Variants in SULF1 observed in about 807,000 individuals in gnomAD.
SULF1 encodes the protein sulfatase 1, also known as extracellular sulfatase Sulf-1.
SULF1 carries 46 observed loss-of-function variants against 110.5 expected under a neutral mutation model. That is an observed-to-expected ratio of 0.42 (90% CI 0.33 to 0.53). The LOEUF (loss-of-function observed/expected upper bound fraction) is 0.53. SULF1 is among the 20% of genes least tolerant of loss of function. The probability of loss-of-function intolerance (pLI) is 0.12; values close to 1 mark genes in which losing one functional copy is unlikely to be tolerated. For synonymous variants in SULF1, 371 were observed against 387.1 expected (o/e 0.96, Z 0.49); for missense variants, 941 against 1,094.2 (o/e 0.86, Z 1.98).
intron 3 of SULF1, among the ~76,000 whole-genome samples, chr8:69,536,658 G>A (rs1176404820): frequency 6.6e-6 from 1 of 152,170 alleles, no homozygotes; most frequent in African/African-American, 2.4e-5. Context: ...TAAGGATGGA[G>A]CCCCGAAGCA....
intron 6 of SULF1, among the ~76,000 whole-genome samples, chr8:69,585,125 A>G (rs995903092): frequency 1.3e-5 from 2 of 152,202 alleles, no homozygotes; most frequent in Non-Finnish European, 2.9e-5. Flanking sequence ...ACTTGCCTAC[A>G]TATGTATATG....
Position 69,604,921 on chromosome 8 carries a change from C to A in SULF1, c.1366C>A (p.Gln456Lys). 1 of 1,614,160 alleles carries A rather than the reference C, an allele frequency of 6.2e-7. No homozygotes were observed. Among genetic ancestry groups the A allele is most frequent in the South Asian group, 1.1e-5 (1 of 91,084 alleles). ...QQARYQTACEQPGQKWQCIED... is the reference protein window; with the variant it reads ...QQARYQTACEKPGQKWQCIED... ...GGCCAGGTACCAGACAGCCTGTGAA[C>A]AACCGGGGCAGGTGAGTGACGCAGG... Residue 456 changes from glutamine (Q) to lysine (K), a missense_variant, in exon 13 of 23, where the codon CAA (glutamine) becomes AAA (lysine). Physicochemically the swap from Gln to Lys is moderately conservative, Grantham distance 53. Coordinates refer to ENST00000402687, the MANE Select transcript of SULF1 (RefSeq NM_001128205.2).
intron 7 of SULF1, 121 bp from the exon 8 acceptor site, chr8:69,588,851 T>G (rs1222644842): frequency 1.1e-6 from 1 of 902,718 alleles, no homozygotes; most frequent in Non-Finnish European, 1.7e-6. Context: ...CAGCCTTCCT[T>G]CCTGCTGTAG....
intron 19 of SULF1, among the ~76,000 whole-genome samples, chr8:69,631,340 G>A (rs1228110280): frequency 6.6e-6 from 1 of 151,762 alleles, no homozygotes; most frequent in African/African-American, 2.4e-5. Flanking sequence ...TTCTTACCTC[G>A]GCCACTGCCA....
chr8:69,604,189 G>A (rs1267965541), intron 12 of SULF1, among the ~76,000 whole-genome samples: 1 of 152,152 alleles, frequency 6.6e-6, no homozygotes, highest in African/African-American at 2.4e-5. Flanking sequence ...CATAAGCTTG[G>A]ACCAAAGCCT....
chr8:69,611,919 A>G (rs1808690061), intron 13 of SULF1, among the ~76,000 whole-genome samples: 1 of 152,084 alleles, frequency 6.6e-6, no homozygotes, highest in Non-Finnish European at 1.5e-5. Flanking sequence ...TTCTTTAGTT[A>G]GATTTCTGAG....
chr8:69,642,243 C>T (rs1474123939), intron 22 of SULF1: 1 of 986,686 alleles, frequency 1.0e-6, no homozygotes, highest in East Asian at 1.1e-4. Context: ...GTTCCTGGTA[C>T]CCTGTTCGGC....
chr8:69,605,872 C>G (rs1294646631), intron 13 of SULF1, among the ~76,000 whole-genome samples: 1 of 152,194 alleles, frequency 6.6e-6, no homozygotes, highest in Non-Finnish European at 1.5e-5. Flanking sequence ...ATTGGCATCT[C>G]CATTTTACAA....
At chr8:69,474,359 GT>G (rs1176540793) in intron 1 of SULF1, among the ~76,000 whole-genome samples, 1 of 152,096 alleles carries the variant, frequency 6.6e-6, no homozygotes, top group Non-Finnish European at 1.5e-5. Context: ...TATAACATGT[GT>G]TCTGAATAGA....
intron 5 of SULF1, 73 bp downstream of exon 5, chr8:69,564,220 G>A (rs746134976): frequency 6.4e-7 from 1 of 1,551,512 alleles, no homozygotes; most frequent in Non-Finnish European, 8.9e-7. Flanking sequence ...ATTATCAGGA[G>A]ACATTCTGAG....
At chr8:69,516,951 C>G (rs17644653) in intron 3 of SULF1, among the ~76,000 whole-genome samples, 43,346 of 152,042 alleles carry the variant, frequency 0.29, 6,677 homozygotes, top group Non-Finnish European at 0.35. Context: ...TCTACAATAC[C>G]AAAAACATCT....
chr8:69,590,501 A>G (rs770648329), intron 8 of SULF1, among the ~76,000 whole-genome samples: 1 of 152,086 alleles, frequency 6.6e-6, no homozygotes, highest in Non-Finnish European at 1.5e-5. Context: ...AATGTAACTG[A>G]TTGACTTATG....
At chr8:69,555,572 A>G (rs1360578834) in intron 3 of SULF1, among the ~76,000 whole-genome samples, 5 of 151,852 alleles carry the variant, frequency 3.3e-5, no homozygotes, top group Non-Finnish European at 7.4e-5. Flanking sequence ...AAAGAGAATC[A>G]CTTGAACCTG....
At chr8:69,494,082 T>C (rs1435513337) in intron 1 of SULF1, among the ~76,000 whole-genome samples, 1 of 152,238 alleles carries the variant, frequency 6.6e-6, no homozygotes, top group Non-Finnish European at 1.5e-5. Context: ...GATACAGAGA[T>C]TTATTGTTTT....
chr8:69,561,022 A>G (rs1438608806), intron 3 of SULF1, among the ~76,000 whole-genome samples: 1 of 152,244 alleles, frequency 6.6e-6, no homozygotes, highest in African/African-American at 2.4e-5. Context: ...CTAGTGAGAC[A>G]GGAGGAATAA....
chr8:69,547,988 T>G (rs1814405482), intron 3 of SULF1, among the ~76,000 whole-genome samples: 1 of 152,150 alleles, frequency 6.6e-6, no homozygotes, highest in African/African-American at 2.4e-5. Flanking sequence ...TAAGTTCATT[T>G]ATCTAACACC....
intron 1 of SULF1, among the ~76,000 whole-genome samples, chr8:69,471,012 C>G (rs1017054091): frequency 6.6e-6 from 1 of 152,168 alleles, no homozygotes; most frequent in African/African-American, 2.4e-5. Context: ...ATGCCCCACT[C>G]AGTTCATCCT....
chr8:69,586,609 G>A lies in SULF1; in HGVS notation c.564+101G>A, dbSNP rs1297347522. The A allele has an allele frequency of 9.4e-6, 12 of 1,275,730 alleles. No individual in the cohort carries two copies. In the South Asian group the frequency reaches 1.7e-4, roughly 18 times the overall value. The allele number at this position is 1,275,730 out of a possible 1,614,324, so 79.0% of individuals were successfully genotyped here. The stretch of plus-strand genomic sequence containing the variant: ...ACTATCCACAAGATTGGCTTTCTAT[G>A]TTCTCACAATGTTAGCATGAGAAAT... On this transcript the variant is annotated intron_variant, in intron 7 of 22. Transcript: ENST00000402687.
intron 3 of SULF1, among the ~76,000 whole-genome samples, chr8:69,543,173 A>G (rs1049113322): frequency 4.6e-5 from 7 of 152,060 alleles, no homozygotes; most frequent in Non-Finnish European, 8.8e-5. Flanking sequence ...CATACTTGCA[A>G]ATATATAAAT....
Sources: gnomAD v4.1 joint callset for allele counts (sites outside exome capture counted in the v4.1 genomes callset) on GRCh38, gnomAD v4.1.1 for gene constraint, MANE v1.5 for transcripts, NCBI Gene and HGNC (gene_info 2026-07-23, HGNC 2026-07-21) for gene names.